CNTN4: variants seen among roughly 807,000 people sequenced by gnomAD.
The protein encoded by CNTN4 is contactin 4.
In CNTN4, 77 loss-of-function variants were observed where a neutral mutation model predicts 122.5. The observed-to-expected ratio is 0.63, with a 90% confidence interval of 0.52 to 0.76. The LOEUF (loss-of-function observed/expected upper bound fraction) is 0.76. CNTN4 is among the 30% of genes least tolerant of loss of function. The pLI is 0.00. For synonymous variants in CNTN4, 512 were observed against 447.0 expected (o/e 1.15, Z -1.83); for missense variants, 1,256 against 1,259.1 (o/e 1.00, Z 0.04).
At chr3:2,913,390 G>T (rs190247874) in intron 12 of CNTN4, among the ~76,000 whole-genome samples, 1 of 152,066 alleles carries the variant, frequency 6.6e-6, no homozygotes, top group African/African-American at 2.4e-5. Flanking sequence ...AAACAAACAG[G>T]ATCTAACTAT....
intron 6 of CNTN4, among the ~76,000 whole-genome samples, chr3:2,771,140 T>G (rs1373052115): frequency 6.6e-6 from 1 of 152,166 alleles, no homozygotes; most frequent in African/African-American, 2.4e-5. Context: ...CAGAATTCTC[T>G]TAAGTTGGAA....
intron 13 of CNTN4, among the ~76,000 whole-genome samples, chr3:2,987,765 T>C (rs778209695): frequency 2.1e-4 from 32 of 152,242 alleles, no homozygotes; most frequent in Non-Finnish European, 4.1e-4. Flanking sequence ...GGCCTGAGGT[T>C]TGCCATCCAC....
chr3:2,353,947 C>T (rs1290644003), intron 3 of CNTN4, among the ~76,000 whole-genome samples: 1 of 152,062 alleles, frequency 6.6e-6, no homozygotes, highest in Non-Finnish European at 1.5e-5. Context: ...TAAAGGAGTC[C>T]TCACTTGATG....
chr3:2,479,917 C>T (rs997253208), intron 3 of CNTN4, among the ~76,000 whole-genome samples: 3 of 152,090 alleles, frequency 2.0e-5, no homozygotes, highest in East Asian at 1.9e-4. Context: ...AATTATACAC[C>T]ACCACCACCA....
chr3:2,300,059 A>T (rs1394086633), intron 2 of CNTN4, among the ~76,000 whole-genome samples: 4 of 152,198 alleles, frequency 2.6e-5, no homozygotes, highest in African/African-American at 9.6e-5. Flanking sequence ...TCAGATGAAG[A>T]TAATGAAGTG....
At chr3:2,908,060 T>C (rs558246283) in intron 12 of CNTN4, among the ~76,000 whole-genome samples, 2 of 152,288 alleles carry the variant, frequency 1.3e-5, no homozygotes, top group African/African-American at 2.4e-5. Flanking sequence ...TGAGATTCAC[T>C]TGTGGGATAT....
At chr3:2,767,707 G>A (rs2090923842) in intron 6 of CNTN4, among the ~76,000 whole-genome samples, 1 of 152,122 alleles carries the variant, frequency 6.6e-6, no homozygotes, top group South Asian at 2.1e-4. Flanking sequence ...TCCCCTTTCT[G>A]TCTCAGATTT....
At position 2,916,867 on chromosome 3, in the gene CNTN4, C is replaced by T. The variant is rs897279600; in HGVS notation, c.1208-8762C>T. Among the ~76,000 whole-genome samples, 30 of 150,924 alleles carry T rather than the reference C, an allele frequency of 2.0e-4. No individual in the cohort carries two copies. In the South Asian group the frequency reaches 3.2e-3, roughly 16 times the overall value. ...ACGGGGCAGCCAGGCAGAGGTGGCG[C>T]TAGACGTCTAGGTGGCACTTCCTAG... On this transcript the variant is annotated intron_variant, in intron 12 of 24. Coordinates refer to ENST00000418658, the MANE Select transcript of CNTN4 (RefSeq NM_175607.3).
At chr3:2,153,061 G>A (rs35996042) in intron 2 of CNTN4, among the ~76,000 whole-genome samples, 3,663 of 152,318 alleles carry the variant, frequency 0.024, 70 homozygotes, top group Middle Eastern at 0.044. Flanking sequence ...GAGTTTGGAG[G>A]TGGTCTGTTA....
At chr3:2,118,386 A>G (rs2033514108) in intron 2 of CNTN4, among the ~76,000 whole-genome samples, 1 of 152,238 alleles carries the variant, frequency 6.6e-6, no homozygotes, top group African/African-American at 2.4e-5. Context: ...TAGTATGTAC[A>G]TGTTACTTTG....
rs2082703534 is a variant in CNTN4 at position 2,637,303 on chromosome 3, G to A, written c.55+65745G>A. Reference sequence around the variant, plus strand: ...TTTTTTAAATAAGCTAATTGTAGAGGTACAATTTGTAAGTGAATGGATTAA... The same window carrying A: ...TTTTTTAAATAAGCTAATTGTAGAGATACAATTTGTAAGTGAATGGATTAA... On this transcript the variant is annotated intron_variant, in intron 4 of 24. Transcript: ENST00000418658. Among the ~76,000 whole-genome samples, 4 of 152,124 alleles carry A rather than the reference G, an allele frequency of 2.6e-5. No individual in the cohort carries two copies. In the South Asian group the frequency reaches 8.3e-4, roughly 32 times the overall value.
chr3:2,253,405 T>G (rs1391978403), intron 2 of CNTN4, among the ~76,000 whole-genome samples: 1 of 151,122 alleles, frequency 6.6e-6, no homozygotes, highest in Non-Finnish European at 1.5e-5. Context: ...ATTAAAAAGT[T>G]GTAACACATT....
At chr3:2,342,034 A>C (rs111938693) in intron 3 of CNTN4, among the ~76,000 whole-genome samples, 2 of 152,216 alleles carry the variant, frequency 1.3e-5, no homozygotes, top group Non-Finnish European at 2.9e-5. Context: ...TTTGCTTCTA[A>C]ATGTCTGAAC....
chr3:2,839,095 C>T (rs2093295285), intron 7 of CNTN4, among the ~76,000 whole-genome samples: 2 of 152,268 alleles, frequency 1.3e-5, no homozygotes, highest in South Asian at 4.1e-4. Context: ...TCTTGACATA[C>T]ACCTTCAATT....
At chr3:2,722,548 T>C (rs1238306924) in intron 4 of CNTN4, among the ~76,000 whole-genome samples, 4 of 152,190 alleles carry the variant, frequency 2.6e-5, no homozygotes, top group Non-Finnish European at 5.9e-5. Context: ...GGTGGATGAC[T>C]TATTCAAAAG....
At chr3:2,778,332 T>C (rs1186224316) in intron 6 of CNTN4, among the ~76,000 whole-genome samples, 1 of 152,072 alleles carries the variant, frequency 6.6e-6, no homozygotes, top group African/African-American at 2.4e-5. Flanking sequence ...ACAATTGTTT[T>C]AAAGATCTTG....
At chr3:2,675,376 TCA>T (rs1355849351) in intron 4 of CNTN4, among the ~76,000 whole-genome samples, 1 of 152,188 alleles carries the variant, frequency 6.6e-6, no homozygotes, top group Non-Finnish European at 1.5e-5. Flanking sequence ...TGACTCTGTC[TCA>T]CATATAAGTT....
chr3:2,704,346 T>C (rs1488571353), intron 4 of CNTN4, among the ~76,000 whole-genome samples: 1 of 150,136 alleles, frequency 6.7e-6, no homozygotes, highest in Admixed American at 6.6e-5. Flanking sequence ...CATGCCCTCT[T>C]ATACATAATA....
At chr3:2,568,932 A>T (rs1372217368) in intron 3 of CNTN4, among the ~76,000 whole-genome samples, 2 of 152,222 alleles carry the variant, frequency 1.3e-5, no homozygotes, top group Non-Finnish European at 2.9e-5. Flanking sequence ...AAACTGCTTA[A>T]CATTGTAGAT....
Sources: gnomAD v4.1 joint callset for allele counts (sites outside exome capture counted in the v4.1 genomes callset) on GRCh38, gnomAD v4.1.1 for gene constraint, MANE v1.5 for transcripts, NCBI Gene and HGNC (gene_info 2026-07-23, HGNC 2026-07-21) for gene names.